ZBTB45: variants seen among roughly 807,000 people sequenced by gnomAD.
ZBTB45 encodes the protein zinc finger and BTB domain containing 45, also known as zinc finger and BTB domain-containing protein 45.
In ZBTB45, 22 loss-of-function variants were observed where a neutral mutation model predicts 28.4. The ratio of observed to expected loss-of-function variants is 0.77; its 90% CI spans 0.55 to 1.10. ZBTB45 has a LOEUF of 1.10. Ranked by LOEUF, ZBTB45 falls within the 50% of genes least tolerant of loss-of-function variation. The pLI is 0.00. For synonymous variants in ZBTB45, 361 were observed against 332.3 expected, an observed-to-expected ratio of 1.09 and a Z score of -0.94; for missense variants, 656 against 750.2, an observed-to-expected ratio of 0.87 and a Z score of 1.47.
intron 1 of ZBTB45, among the ~76,000 whole-genome samples, chr19:58,536,261 T>G (rs2053659577): frequency 6.6e-6 from 1 of 151,832 alleles, no homozygotes; most frequent in East Asian, 1.9e-4. Flanking sequence ...GTCAGGAGAT[T>G]GAGACCATCC....
intron 1 of ZBTB45, among the ~76,000 whole-genome samples, chr19:58,528,621 G>A (rs1366877710): frequency 6.6e-6 from 1 of 152,124 alleles, no homozygotes. Flanking sequence ...TAGGCTGGGC[G>A]CAGTGGCTCA....
chr19:58,518,029 A>G (rs1438304495), intron 1 of ZBTB45, among the ~76,000 whole-genome samples: 2 of 109,976 alleles, frequency 1.8e-5, no homozygotes, highest in Admixed American at 1.0e-4. Context: ...CCCAACTCCA[A>G]TAACCCTAAG....
intron 1 of ZBTB45, among the ~76,000 whole-genome samples, chr19:58,532,541 A>G (rs1600070725): frequency 6.6e-6 from 1 of 152,062 alleles, no homozygotes; most frequent in Admixed American, 6.6e-5. Context: ...GCTCTTCCAC[A>G]TATTTGTCTT....
chr19:58,529,019 GGTTGCA>G (rs1568650940), intron 1 of ZBTB45, among the ~76,000 whole-genome samples: 1 of 149,918 alleles, frequency 6.7e-6, no homozygotes, highest in Non-Finnish European at 1.5e-5. Context: ...GGGAGGCAGA[GGTTGCA>G]GTGAGCTGAG....
chr19:58,538,602 G>A (rs1050900759), intron 1 of ZBTB45: 2 of 152,252 alleles, frequency 1.3e-5, no homozygotes, highest in African/African-American at 4.8e-5. Context: ...CCCAGCGGTC[G>A]ACGCGCCCGT....
chr19:58,535,639 A>C (rs1293060431), intron 1 of ZBTB45, among the ~76,000 whole-genome samples: 1 of 152,198 alleles, frequency 6.6e-6, no homozygotes, highest in South Asian at 2.1e-4. Context: ...AAGTGCTAGG[A>C]TTATAGGCAA....
chr19:58,536,423 G>A (rs1336949459), intron 1 of ZBTB45, among the ~76,000 whole-genome samples: 25 of 147,568 alleles, frequency 1.7e-4, no homozygotes, highest in South Asian at 4.3e-4. Flanking sequence ...CCAAGATCGC[G>A]CCACTGCACT....
At chr19:58,526,291 C>G (rs987003704) in intron 1 of ZBTB45, among the ~76,000 whole-genome samples, 8 of 151,982 alleles carry the variant, frequency 5.3e-5, no homozygotes, top group Non-Finnish European at 8.8e-5. Context: ...CTCACTGCAA[C>G]CTCCACCTCC....
chr19:58,517,016 C>A lies in ZBTB45; in HGVS notation c.658G>T (p.Gly220Cys). The A allele has an allele frequency of 1.2e-6, 2 of 1,613,288 alleles. No homozygotes were observed. The highest frequency in any genetic ancestry group is 2.7e-5 in the African/African-American group (2 of 75,060). Reference protein sequence around the residue: ...DDEESDDETDGEDGEGGGPGE... With the variant: ...DDEESDDETDCEDGEGGGPGE... ...GGGCCGCCACCTTCGCCATCCTCGC[C>A]ATCGGTCTCATCGTCACTTTCCTCG... The change falls in exon 2 of 3, where the codon GGC becomes TGC. Residue 220 changes from glycine (G) to cysteine (C), a missense_variant. Coordinates refer to ENST00000594051, the MANE Select transcript of ZBTB45 (RefSeq NM_001316979.2).
chr19:58,526,733 G>A (rs914092741), intron 1 of ZBTB45, among the ~76,000 whole-genome samples: 17 of 148,836 alleles, frequency 1.1e-4, no homozygotes, highest in African/African-American at 2.2e-4. Context: ...GGGTTTCACC[G>A]TTTTAGCCGG....
chr19:58,514,611 C>G (rs2053466564), intron 2 of ZBTB45, among the ~76,000 whole-genome samples: 1 of 152,090 alleles, frequency 6.6e-6, no homozygotes, highest in African/African-American at 2.4e-5. Flanking sequence ...GACCCCCTTT[C>G]TGTTATCCTG....
chr19:58,535,878 C>G (rs7255680), intron 1 of ZBTB45, among the ~76,000 whole-genome samples: 9,781 of 152,024 alleles, frequency 0.064, 1,012 homozygotes, highest in African/African-American at 0.22. Context: ...CAATTTGGAG[C>G]TCATGTCCTT....
At chr19:58,534,579 C>T (rs1469155116) in intron 1 of ZBTB45, among the ~76,000 whole-genome samples, 7 of 135,210 alleles carry the variant, frequency 5.2e-5, no homozygotes, top group African/African-American at 1.4e-4. Context: ...TTTTTTGAGG[C>T]GGAGTCTCAC....
At chr19:58,514,451 T>A in intron 2 of ZBTB45, 141 bp from the exon 3 acceptor site, 1 of 1,072,450 alleles carries the variant, frequency 9.3e-7, no homozygotes, top group Non-Finnish European at 1.3e-6. Flanking sequence ...ATCCCTTGCC[T>A]ATCAGAGAAC....
chr19:58,527,035 C>A (rs1335831961), intron 1 of ZBTB45, among the ~76,000 whole-genome samples: 1 of 152,152 alleles, frequency 6.6e-6, no homozygotes, highest in Non-Finnish European at 1.5e-5. Flanking sequence ...AAGGGGAAAG[C>A]CCCAACCCCC....
chr19:58,525,934 A>G (rs941478277), intron 1 of ZBTB45, among the ~76,000 whole-genome samples: 9 of 152,332 alleles, frequency 5.9e-5, no homozygotes, highest in African/African-American at 2.2e-4. Context: ...TGAAGAGTTT[A>G]AAAAACCCAA....
Position 58,516,393 on chromosome 19 carries a change from AC to A in ZBTB45, c.1279+1del. The A allele has an allele frequency of 6.2e-7, 1 of 1,613,894 alleles. No individual in the cohort carries two copies. The highest frequency in any genetic ancestry group is 8.5e-7 in the Non-Finnish European group (1 of 1,179,844). ...TCCCTCTCCTCCCCCGCCCTGGCTC[AC>A]CCGAGTGGATGAACATGTGCTTGGT... On this transcript the variant is annotated splice_donor_variant, in intron 2 of 2. Transcript: ENST00000594051. LOFTEE classifies it high-confidence loss of function. This position sits in a 1 kb window ranked among gnomAD's most constrained non-coding sequence, Gnocchi z 6.2.
intron 1 of ZBTB45, among the ~76,000 whole-genome samples, chr19:58,526,815 G>GCCA (rs2053610393): frequency 6.6e-6 from 1 of 151,656 alleles, no homozygotes; most frequent in South Asian, 2.1e-4. Flanking sequence ...ACAGGCGTGA[G>GCCA]CCACCGCGCC....
At chr19:58,530,417 C>T (rs1322884284) in intron 1 of ZBTB45, among the ~76,000 whole-genome samples, 3 of 152,060 alleles carry the variant, frequency 2.0e-5, no homozygotes, top group Non-Finnish European at 2.9e-5. Context: ...AAGCGATTCT[C>T]CTGCCTCGCC....
Sources: gnomAD v4.1 joint callset for allele counts (sites outside exome capture counted in the v4.1 genomes callset) on GRCh38, gnomAD v4.1.1 for gene constraint, Gnocchi (gnomAD v3.1) non-coding constraint, MANE v1.5 for transcripts, NCBI Gene and HGNC (gene_info 2026-07-23, HGNC 2026-07-21) for gene names.